The following NINJ2 variants were observed in gnomAD, a reference collection of about 807,000 sequenced individuals.
The protein encoded by NINJ2 is ninjurin 2.
NINJ2 carries 12 observed loss-of-function variants against 11.7 expected under a neutral mutation model. That is an observed-to-expected ratio of 1.02 (90% CI 0.66 to 1.66). The LOEUF (loss-of-function observed/expected upper bound fraction) is 1.66. Among genes scored for constraint, NINJ2 ranks in the 40% most tolerant of loss-of-function variants. NINJ2 has a pLI of 0.00. For synonymous variants in NINJ2, 93 were observed against 76.8 expected (o/e 1.21, Z -1.10); for missense variants, 187 against 181.8 (o/e 1.03, Z -0.16).
chr12:611,222 TTTC>T (rs747175654), intron 1 of NINJ2, among the ~76,000 whole-genome samples: 1 of 129,688 alleles, frequency 7.7e-6, no homozygotes, highest in African/African-American at 2.9e-5. Flanking sequence ...TCTTTCTTTC[TTTC>T]TTTTTCTTTC....
At chr12:576,003 C>T (rs905123567) in intron 1 of NINJ2, among the ~76,000 whole-genome samples, 22 of 152,240 alleles carry the variant, frequency 1.4e-4, no homozygotes, top group Middle Eastern at 3.2e-3. Context: ...CTGTCTGGGG[C>T]AGGCCGCATG....
At chr12:573,006 G>A (rs187588610) in intron 1 of NINJ2, among the ~76,000 whole-genome samples, 1,678 of 148,758 alleles carry the variant, frequency 0.011, 38 homozygotes, top group African/African-American at 0.04. Flanking sequence ...ACAGGTGTGT[G>A]CCACCACACC....
chr12:607,180 C>T (rs1947951631), intron 1 of NINJ2, among the ~76,000 whole-genome samples: 1 of 151,886 alleles, frequency 6.6e-6, no homozygotes, highest in South Asian at 2.1e-4. Context: ...CTCAGGCCTC[C>T]CCCAGATCTA....
In NINJ2 at chr12:581,999, G is replaced by T. The variant is rs547233529; in HGVS notation, c.34-15821C>A. Reference sequence around the variant, plus strand: ...GCTCCCTGCACTGACCCCATGTGCGGCCAGGCTCCCTGTGCATCCCCCTTC... The same window carrying T: ...GCTCCCTGCACTGACCCCATGTGCGTCCAGGCTCCCTGTGCATCCCCCTTC... On this transcript the variant is annotated intron_variant, in intron 1 of 3. Coordinates refer to ENST00000305108, the MANE Select transcript of NINJ2 (RefSeq NM_016533.6). The surrounding 1 kb of genome is among the most constrained non-coding windows in gnomAD (Gnocchi z 4.9). 2.6e-5 allele frequency among the ~76,000 whole-genome samples: 4 copies of T among 152,270 alleles called. No individual in the cohort carries two copies. The South Asian group carries it at 8.3e-4, about 32-fold the overall frequency.
chr12:616,927 C>T lies in NINJ2; in HGVS notation c.33+46401G>A, dbSNP rs201390045. Among the ~76,000 whole-genome samples the T allele has an allele frequency of 2.6e-5, 4 of 152,262 alleles. No individual in the cohort carries two copies. In the East Asian group the frequency reaches 5.8e-4, roughly 22 times the overall value. Reference sequence around the variant, plus strand: ...GTTCTTTAAAAAAAGTGTGCTCAGCCGGGCGCAGTGGCTCATGCCTGTAAT... The same window carrying T: ...GTTCTTTAAAAAAAGTGTGCTCAGCTGGGCGCAGTGGCTCATGCCTGTAAT... On this transcript the variant is annotated intron_variant, in intron 1 of 3. Coordinates refer to ENST00000305108, the MANE Select transcript of NINJ2 (RefSeq NM_016533.6).
At chr12:618,766 C>T (rs1948121947) in intron 1 of NINJ2, among the ~76,000 whole-genome samples, 2 of 152,170 alleles carry the variant, frequency 1.3e-5, no homozygotes, top group African/African-American at 4.8e-5. Flanking sequence ...CCCAGGGTAG[C>T]AAAAGGCAAA....
intron 1 of NINJ2, chr12:643,798 A>T: frequency 2.1e-6 from 1 of 480,022 alleles, no homozygotes; most frequent in Middle Eastern, 3.9e-4. Context: ...CTGTTTTGCC[A>T]CTTTTGGGGG....
In NINJ2 at chr12:564,523, C is replaced by G. The variant is rs1947263427; in HGVS notation, c.*177G>C. ...GGACTTCAGACCAAGATGGAAGTCC[C>G]TTAGACCAATAACATAAAAATCACT... On this transcript the variant is annotated 3_prime_UTR_variant, in exon 4 of 4. Transcript: ENST00000305108. 1 of 152,248 alleles carries G rather than the reference C, an allele frequency of 6.6e-6. No homozygotes were observed. 9.4% of individuals were successfully genotyped at this position (152,248 alleles called of 1,614,324 possible). A position where few individuals can be genotyped will look rare whatever the true frequency, so the allele number is the denominator to read the frequency against.
At chr12:615,317 T>A (rs1456307011) in intron 1 of NINJ2, among the ~76,000 whole-genome samples, 1 of 152,158 alleles carries the variant, frequency 6.6e-6, no homozygotes, top group Non-Finnish European at 1.5e-5. Context: ...ACTAAGAAAC[T>A]CTGGCTCATG....
At chr12:579,434 C>G (rs559092695) in intron 1 of NINJ2, among the ~76,000 whole-genome samples, 3 of 152,254 alleles carry the variant, frequency 2.0e-5, no homozygotes, top group Non-Finnish European at 4.4e-5. Context: ...TCTTGAGACC[C>G]CCAAATTCAC....
chr12:643,517 T>TC (rs1937626258), intron 1 of NINJ2: 1 of 987,970 alleles, frequency 1.0e-6, no homozygotes. Flanking sequence ...GTACCTCATG[T>TC]CCCCTCACTT....
chr12:592,201 A>G (rs1250771038), intron 1 of NINJ2, among the ~76,000 whole-genome samples: 1 of 152,092 alleles, frequency 6.6e-6, no homozygotes, highest in East Asian at 1.9e-4. Flanking sequence ...GGGATAAAAG[A>G]TAGTCCCTAC....
rs1937984954 is a variant in NINJ2 at position 663,357 on chromosome 12, C to G, written c.4G>C (p.Glu2Gln). Residue 2 changes from glutamate (E) to glutamine (Q), a missense_variant, in exon 1 of 4, where the codon GAA (glutamate) becomes CAA (glutamine). Glu to Gln is a conservative substitution (Grantham distance 29). Coordinates refer to ENST00000305108, the MANE Select transcript of NINJ2 (RefSeq NM_016533.6). ...AGGTCGATGTTTTCTCTTGCTGATTCCATCTCGCTGCCCTCAAGTCCCTTC... is the reference window on the plus strand; with the variant it reads ...AGGTCGATGTTTTCTCTTGCTGATTGCATCTCGCTGCCCTCAAGTCCCTTC... M[E>Q]SARENIDLQP... The G allele has an allele frequency of 1.2e-6, 2 of 1,614,094 alleles. No homozygotes were observed. Among genetic ancestry groups the G allele is most frequent in the African/African-American group, 1.3e-5 (1 of 74,942 alleles).
chr12:636,966 G>T (rs1220174740), intron 1 of NINJ2, among the ~76,000 whole-genome samples: 4 of 152,282 alleles, frequency 2.6e-5, no homozygotes, highest in South Asian at 4.1e-4. Flanking sequence ...GTTCACAACG[G>T]CGAAAAGAAA....
In NINJ2 at chr12:565,665, G is replaced by A. The variant is rs950538243; in HGVS notation, c.263-264C>T. ...TGGGGACGAGTGCTCATGGAGAAGC[G>A]GTGAGCGAGTGAGTGAGTTAGCAGT... is the stretch of plus-strand genomic sequence containing the variant. On this transcript the variant is annotated intron_variant, in intron 2 of 3. Transcript: ENST00000305108. 43 of 612,236 alleles carry A rather than the reference G, an allele frequency of 7.0e-5. No homozygotes were observed. The Admixed American group carries it at 1.1e-3, about 16-fold the overall frequency. The allele number at this position is 612,236 out of a possible 1,614,324, so 37.9% of individuals were successfully genotyped here. A position where few individuals can be genotyped will look rare whatever the true frequency, so the allele number is the denominator to read the frequency against.
At chr12:631,503 A>G (rs1948281400) in intron 1 of NINJ2, among the ~76,000 whole-genome samples, 1 of 152,150 alleles carries the variant, frequency 6.6e-6, no homozygotes, top group Admixed American at 6.5e-5. Context: ...AGCTGGGAGT[A>G]CAGGCGCGCG....
chr12:610,924 G>A (rs954351346), intron 1 of NINJ2, among the ~76,000 whole-genome samples: 4 of 151,736 alleles, frequency 2.6e-5, no homozygotes, highest in Non-Finnish European at 5.9e-5. Flanking sequence ...TAGTAGAGAC[G>A]GGGTTTCACC....
Position 609,080 on chromosome 12 carries a change from A to ACG in NINJ2, c.34-42904_34-42903dup, listed in dbSNP as rs532327675. On this transcript the variant is annotated intron_variant, in intron 1 of 3. Coordinates refer to ENST00000305108, the MANE Select transcript of NINJ2 (RefSeq NM_016533.6). ...GGGCTGAACGCACACGCACGGCGCC[A>ACG]CGCTAGGGGCTGAACGCACGCACGG... Among the ~76,000 whole-genome samples, 247 of 140,168 alleles carry ACG rather than the reference A, an allele frequency of 1.8e-3. 4 individuals are homozygous for ACG. Among genetic ancestry groups the ACG allele is most frequent in the African/African-American group, 6.4e-3 (232 of 36,418 alleles). The allele number at this position is 140,168 out of a possible 152,430, so 92.0% of individuals were successfully genotyped here.
At chr12:578,085 A>G (rs1947494136) in intron 1 of NINJ2, among the ~76,000 whole-genome samples, 1 of 152,176 alleles carries the variant, frequency 6.6e-6, no homozygotes, top group Non-Finnish European at 1.5e-5. Context: ...TTTGTATAAG[A>G]AAAGCACTGT....
Sources: allele counts gnomAD v4.1 joint callset (sites outside exome capture counted in the v4.1 genomes callset), GRCh38; gene constraint gnomAD v4.1.1; non-coding constraint Gnocchi (gnomAD v3.1); transcripts MANE v1.5; gene names NCBI Gene and HGNC (gene_info 2026-07-23, HGNC 2026-07-21).